Variants in MRPS24 observed in about 807,000 individuals in gnomAD.
MRPS24 encodes the protein small ribosomal subunit protein uS3m.
Under a neutral mutation model 21.8 loss-of-function variants are expected in MRPS24, and 15 were observed. That is an observed-to-expected ratio of 0.69 (90% confidence interval 0.46 to 1.06). The LOEUF is 1.06. MRPS24 is among the 50% of genes least tolerant of loss of function. The probability of loss-of-function intolerance (pLI) is 0.00; values close to 1 mark genes in which losing one functional copy is unlikely to be tolerated. For synonymous variants in MRPS24, 93 were observed against 93.7 expected, an observed-to-expected ratio of 0.99 and a Z score of 0.04; for missense variants, 224 against 219.1, an observed-to-expected ratio of 1.02 and a Z score of -0.14.
Position 43,866,772 on chromosome 7 carries a change from G to T in MRPS24, c.431C>A (p.Ser144Tyr), listed in dbSNP as rs569367992. ...TCGCACAGGACATTTGTAAAAGTAG[G>T]ACAGCAAAGTTTCACTGTAGCCCAC... is the stretch of plus-strand genomic sequence containing the variant. ...FLVGYSETLL[S>Y]YFYKCPVRLH... Residue 144 changes from serine to tyrosine, a missense_variant, in exon 4 of 4, where the codon TCC (serine) becomes TAC (tyrosine). By Grantham distance (144) the Ser-to-Tyr change is moderately radical (BLOSUM62 -2). Transcript: ENST00000317534. 4.3e-6 allele frequency: 7 copies of T among 1,614,186 alleles called. No homozygotes were observed. The highest frequency in any genetic ancestry group is 5.9e-6 in the Non-Finnish European group (7 of 1,180,046).
At chr7:43,867,055 A>G in intron 3 of MRPS24, 73 bp from the exon 4 acceptor site, 1 of 1,519,322 alleles carries the variant, frequency 6.6e-7, no homozygotes, top group Non-Finnish European at 9.0e-7. Context: ...CAGAGTCAAC[A>G]TCCAAAAGCG....
chr7:43,869,401 G>T lies in MRPS24; in HGVS notation c.40-25C>A. ...CCTGTGGAGGGAGGGCGCGTGAGGC[G>T]GAAACTAGGGACCCCACCTCCGACT... On this transcript the variant is annotated intron_variant, in intron 1 of 3. Coordinates refer to ENST00000317534, the MANE Select transcript of MRPS24 (RefSeq NM_032014.3). This position sits in a 1 kb window ranked among gnomAD's most constrained non-coding sequence, Gnocchi z 4.8. 1 of 1,550,424 alleles carries T rather than the reference G, an allele frequency of 6.4e-7. No homozygotes were observed.
chr7:43,867,001 A>G lies in MRPS24; in HGVS notation c.221-19T>C. On this transcript the variant is annotated intron_variant, in intron 3 of 3. Coordinates refer to ENST00000317534, the MANE Select transcript of MRPS24 (RefSeq NM_032014.3). ...AGGTTACCTGAAGAGGGAAGGGCAT[A>G]ATAGAAGAATCAGCCTCATTGCCCC... 1.2e-6 allele frequency: 2 copies of G among 1,611,264 alleles called. No homozygotes were observed. The highest frequency in any genetic ancestry group is 1.7e-6 in the Non-Finnish European group (2 of 1,178,072).
chr7:43,869,132 G>C lies in MRPS24; in HGVS notation c.109-58C>G, dbSNP rs1255301193. 1.9e-6 allele frequency: 3 copies of C among 1,557,146 alleles called. No individual in the cohort carries two copies. Among genetic ancestry groups the C allele is most frequent in the Non-Finnish European group, 2.6e-6 (3 of 1,155,292 alleles). On this transcript the variant is annotated intron_variant, in intron 2 of 3. Coordinates refer to ENST00000317534, the MANE Select transcript of MRPS24 (RefSeq NM_032014.3). This position sits in a 1 kb window ranked among gnomAD's most constrained non-coding sequence, Gnocchi z 4.8. Reference sequence around the variant, plus strand: ...TCCCCGATCCAGACCCCTACTTCGCGCCATGTCCCCCCAGTCAGCTGGCAC... The same window carrying C: ...TCCCCGATCCAGACCCCTACTTCGCCCCATGTCCCCCCAGTCAGCTGGCAC...
In MRPS24 at chr7:43,869,008, G is replaced by A. The variant is rs746219127; in HGVS notation, c.175C>T (p.Pro59Ser). 6.2e-7 allele frequency: 1 copy of A among 1,614,042 alleles called. No individual in the cohort carries two copies. The highest frequency in any genetic ancestry group is 1.1e-5 in the South Asian group (1 of 91,078). Residue 59 changes from proline (P) to serine (S), a missense_variant, in exon 3 of 4, where the codon CCG becomes TCG. Coordinates refer to ENST00000317534, the MANE Select transcript of MRPS24 (RefSeq NM_032014.3). This position sits in a 1 kb window ranked among gnomAD's most constrained non-coding sequence, Gnocchi z 4.8. ...KPVTYEEAHA[P>S]HYIAHRKGWL... Reference sequence around the variant, plus strand: ...CCTTTACGGTGGGCGATGTAGTGCGGCGCGTGTGCCTCCTCGTAGGTCACC... The same window carrying A: ...CCTTTACGGTGGGCGATGTAGTGCGACGCGTGTGCCTCCTCGTAGGTCACC...
chr7:43,867,121 A>G (rs569456827), intron 3 of MRPS24, 139 bp from the exon 4 acceptor site: 1 of 810,768 alleles, frequency 1.2e-6, no homozygotes, highest in South Asian at 1.8e-5. Context: ...CTGCTAATGG[A>G]ATAAGAAAAA....
chr7:43,867,047 G>T, intron 3 of MRPS24, 65 bp from the exon 4 acceptor site: 1 of 1,552,810 alleles, frequency 6.4e-7, no homozygotes. Flanking sequence ...CATAACTCCA[G>T]AGTCAACATC....
rs2095838632 is a variant in MRPS24 at position 43,869,035 on chromosome 7, G to C, written c.148C>G (p.Pro50Ala). Residue 50 changes from proline to alanine, a missense_variant, in exon 3 of 4, where the codon CCG (proline) becomes GCG (alanine). By Grantham distance (27) the Pro-to-Ala change is conservative. Coordinates refer to ENST00000317534, the MANE Select transcript of MRPS24 (RefSeq NM_032014.3). The surrounding 1 kb of genome is among the most constrained non-coding windows in gnomAD (Gnocchi z 4.8). ...ARVRVSKGDK[P>A]VTYEEAHAPH... is the part of the protein sequence containing the mutation. ...GCGTGTGCCTCCTCGTAGGTCACCG[G>C]CTTGTCCCCCTTGCTTACGCGTACT... 6.2e-7 allele frequency: 1 copy of C among 1,613,748 alleles called. No individual in the cohort carries two copies. Among genetic ancestry groups the C allele is most frequent in the South Asian group, 1.1e-5 (1 of 91,088 alleles).
intron 3 of MRPS24, chr7:43,867,923 A>T (rs2095837691): frequency 6.6e-6 from 1 of 152,188 alleles, no homozygotes; most frequent in Non-Finnish European, 1.5e-5. Flanking sequence ...ATTGTTCACA[A>T]TAGTTATATT....
Position 43,869,160 on chromosome 7 carries a change from T to G in MRPS24, c.109-86A>C, listed in dbSNP as rs907484774. ...ATGTCCCCCCAGTCAGCTGGCACTG[T>G]TCCCCGGCCCCAATCCCCTGATCCC... On this transcript the variant is annotated intron_variant, in intron 2 of 3. Transcript: ENST00000317534. This position sits in a 1 kb window ranked among gnomAD's most constrained non-coding sequence, Gnocchi z 4.8. The G allele has an allele frequency of 2.0e-5, 30 of 1,500,692 alleles. No homozygotes were observed. Among genetic ancestry groups the G allele is most frequent in the Non-Finnish European group, 2.5e-5 (28 of 1,126,400 alleles). 93.0% of individuals were successfully genotyped at this position (1,500,692 alleles called of 1,614,324 possible). A position where few individuals can be genotyped will look rare whatever the true frequency, so the allele number is the denominator to read the frequency against.
chr7:43,866,817 G>A lies in MRPS24; in HGVS notation c.386C>T (p.Pro129Leu). 3.1e-6 allele frequency: 5 copies of A among 1,614,246 alleles called. No homozygotes were observed. The highest frequency in any genetic ancestry group is 4.2e-6 in the Non-Finnish European group (5 of 1,180,044). Residue 129 changes from proline to leucine, a missense_variant, in exon 4 of 4, where the codon CCA (proline) becomes CTA (leucine). Physicochemically the swap from Pro to Leu is moderately conservative, Grantham distance 98 (BLOSUM62 -3). Transcript: ENST00000317534. ...GCCCACGAGGAAGTAGTACTTGTGT[G>A]GAGACAACTGCCTCAGGACCACGGC... Reference protein sequence around the residue: ...ICAVVLRQLSPHKYYFLVGYS... With the variant: ...ICAVVLRQLSLHKYYFLVGYS...
Position 43,866,584 on chromosome 7 carries a change from CAGATG to C in MRPS24, c.*110_*114del, listed in dbSNP as rs1452106451. On this transcript the variant is annotated 3_prime_UTR_variant, in exon 4 of 4. Coordinates refer to ENST00000317534, the MANE Select transcript of MRPS24 (RefSeq NM_032014.3). ...AAGATAGAAGGTCTTTATTCAATAGCAGATGAGAGACTATGCCTCAGTCCTCTGAG... is the reference window on the plus strand; with the variant it reads ...AAGATAGAAGGTCTTTATTCAATAGCAGAGACTATGCCTCAGTCCTCTGAG... 27 of 1,171,458 alleles carry C rather than the reference CAGATG, an allele frequency of 2.3e-5. No homozygotes were observed. The highest frequency in any genetic ancestry group is 3.3e-5 in the Non-Finnish European group (27 of 821,162). 72.6% of individuals were successfully genotyped at this position (1,171,458 alleles called of 1,614,324 possible).
chr7:43,866,624 T>A lies in MRPS24; in HGVS notation c.*75A>T. 6.6e-7 allele frequency: 1 copy of A among 1,517,496 alleles called. No individual in the cohort carries two copies. Among genetic ancestry groups the A allele is most frequent in the Non-Finnish European group, 9.0e-7 (1 of 1,107,748 alleles). 94.0% of individuals were successfully genotyped at this position (1,517,496 alleles called of 1,614,324 possible). Reference sequence around the variant, plus strand: ...GCCTCAGTCCTCTGAGGGGATGCATTTCCCCCACATACCATTCCTTTCCCA... The same window carrying A: ...GCCTCAGTCCTCTGAGGGGATGCATATCCCCCACATACCATTCCTTTCCCA... On this transcript the variant is annotated 3_prime_UTR_variant, in exon 4 of 4. Coordinates refer to ENST00000317534, the MANE Select transcript of MRPS24 (RefSeq NM_032014.3).
chr7:43,869,097 C>T lies in MRPS24; in HGVS notation c.109-23G>A, dbSNP rs1473171708. 4.4e-6 allele frequency: 7 copies of T among 1,606,034 alleles called. No individual in the cohort carries two copies. Among genetic ancestry groups the T allele is most frequent in the East Asian group, 4.5e-5 (2 of 44,812 alleles). On this transcript the variant is annotated intron_variant, in intron 2 of 3. Transcript: ENST00000317534. This position sits in a 1 kb window ranked among gnomAD's most constrained non-coding sequence, Gnocchi z 4.8. ...GTTCTAGGAGCAAAAGGGGCCGTGA[C>T]TCCACGAGATCCCCGATCCAGACCC...
Position 43,866,858 on chromosome 7 carries a change from G to GT in MRPS24, c.344dup (p.Asn115LysfsTer26). ...GGACCACGGCACAGATCTCCAACTGGTTACCCCGGCGCTTTAAAACCAGCT... is the reference window on the plus strand; with the variant it reads ...GGACCACGGCACAGATCTCCAACTGGTTTACCCCGGCGCTTTAAAACCAGCT... On this transcript the variant is annotated frameshift_variant, in exon 4 of 4. Transcript: ENST00000317534. LOFTEE classifies it high-confidence loss of function. The GT allele has an allele frequency of 6.2e-7, 1 of 1,614,196 alleles. No individual in the cohort carries two copies. Among genetic ancestry groups the GT allele is most frequent in the Non-Finnish European group, 8.5e-7 (1 of 1,180,040 alleles).
rs747409691 is a variant in MRPS24 at position 43,866,949 on chromosome 7, C to T, written c.254G>A (p.Arg85Gln). 1.4e-5 allele frequency: 22 copies of T among 1,614,034 alleles called. No individual in the cohort carries two copies. In the South Asian group the frequency reaches 1.8e-4, roughly 13 times the overall value. The change falls in exon 4 of 4, where the codon CGA becomes CAA. Residue 85 changes from arginine (R) to glutamine (Q), a missense_variant. Coordinates refer to ENST00000317534, the MANE Select transcript of MRPS24 (RefSeq NM_032014.3). ...NLDGEDHAAERTVEDVFLRKF... is the reference protein window; with the variant it reads ...NLDGEDHAAEQTVEDVFLRKF... ...GCGAAGGAAAACATCCTCCACCGTT[C>T]GCTCTGCGGCATGGTCCTCTCCATC... is the stretch of plus-strand genomic sequence containing the variant.
At chr7:43,868,933 G>A (rs2095838516) in intron 3 of MRPS24, 30 bp downstream of exon 3, 1 of 1,607,548 alleles carries the variant, frequency 6.2e-7, no homozygotes, top group Non-Finnish European at 8.5e-7. Context: ...CGGATTGAGT[G>A]CTCCTTTTGG....
At chr7:43,867,510 A>T in intron 3 of MRPS24, 1 of 82,560 alleles carries the variant, frequency 1.2e-5, no homozygotes, top group Non-Finnish European at 2.3e-5. Flanking sequence ...GGAGACAAGC[A>T]TCTCTCTCTC....
chr7:43,869,139 C>T lies in MRPS24; in HGVS notation c.109-65G>A, dbSNP rs183695189. 5 of 1,540,956 alleles carry T rather than the reference C, an allele frequency of 3.2e-6. No homozygotes were observed. Among genetic ancestry groups the T allele is most frequent in the Non-Finnish European group, 4.4e-6 (5 of 1,147,050 alleles). ...TCCAGACCCCTACTTCGCGCCATGT[C>T]CCCCCAGTCAGCTGGCACTGTTCCC... On this transcript the variant is annotated intron_variant, in intron 2 of 3. Transcript: ENST00000317534. This position sits in a 1 kb window ranked among gnomAD's most constrained non-coding sequence, Gnocchi z 4.8.
Sources: gnomAD v4.1 joint callset for allele counts on GRCh38, gnomAD v4.1.1 for gene constraint, Gnocchi (gnomAD v3.1) non-coding constraint, MANE v1.5 for transcripts, NCBI Gene and HGNC (gene_info 2026-07-23, HGNC 2026-07-21) for gene names.